The following HSP90AA1 variants were observed in gnomAD, a reference collection of about 807,000 sequenced individuals.
HSP90AA1 encodes heat shock protein 90 alpha family class A member 1, also known as heat shock protein HSP 90-alpha.
Under a neutral mutation model 73.3 loss-of-function variants are expected in HSP90AA1, and 18 were observed. The observed-to-expected ratio is 0.25, with a 90% CI of 0.17 to 0.36. HSP90AA1 has a LOEUF of 0.36. Among genes scored for constraint, HSP90AA1 ranks in the 10% least tolerant of loss-of-function variants. HSP90AA1 has a pLI of 1.00. For missense variants in HSP90AA1, 704 were observed against 874.2 expected (o/e 0.81, Z 2.45); for synonymous variants, 477 against 296.9 (o/e 1.61, Z -6.24).
intron 2 of HSP90AA1, among the ~76,000 whole-genome samples, chr14:102,097,816 T>C (rs1260716344): frequency 6.6e-6 from 1 of 152,198 alleles, no homozygotes. Flanking sequence ...CAGGCCACCT[T>C]GTCACGAATG....
chr14:102,087,103 T>C, upstream of HSP90AA1: 1 of 982,850 alleles, frequency 1.0e-6, no homozygotes, highest in Non-Finnish European at 1.2e-6. Flanking sequence ...GCGCGGCGCT[T>C]TTTCCAGAAG....
chr14:102,137,070 T>C (rs1159476784), intron 1 of HSP90AA1, among the ~76,000 whole-genome samples: 3 of 151,262 alleles, frequency 2.0e-5, no homozygotes, highest in Admixed American at 1.3e-4. Context: ...AAAAATTAGC[T>C]GGGTGTGGTG....
At chr14:102,125,236 C>T (rs777571151) in intron 1 of HSP90AA1, among the ~76,000 whole-genome samples, 2 of 152,094 alleles carry the variant, frequency 1.3e-5, no homozygotes, top group Non-Finnish European at 2.9e-5. Context: ...TGAAGTGATC[C>T]GACTGCCTCA....
chr14:102,137,076 T>G lies in HSP90AA1; in HGVS notation c.155+2174A>C, dbSNP rs576552793. ...TAAAAATACAAAAATTAGCTGGGTG[T>G]GGTGGCATGCGCCTGTAATCCCAGC... On this transcript the variant is annotated intron_variant, in intron 1 of 11. Transcript: ENST00000334701. Among the ~76,000 whole-genome samples the G allele has an allele frequency of 9.3e-3, 1,410 of 151,476 alleles. 23 individuals carry two copies. Among genetic ancestry groups the G allele is most frequent in the Non-Finnish European group, 0.01 (711 of 67,874 alleles).
At chr14:102,123,427 C>G (rs928028485) in intron 1 of HSP90AA1, among the ~76,000 whole-genome samples, 1 of 151,952 alleles carries the variant, frequency 6.6e-6, no homozygotes, top group African/African-American at 2.4e-5. Flanking sequence ...AACAAAAAAC[C>G]CTGTCATTTC....
upstream of HSP90AA1, among the ~76,000 whole-genome samples, chr14:102,089,975 C>G (rs1260866438): frequency 4.6e-5 from 7 of 151,654 alleles, no homozygotes; most frequent in African/African-American, 1.7e-4. Flanking sequence ...GAACACAGAC[C>G]TGGCCCTATC....
At chr14:102,124,305 C>A (rs1305736093) in intron 1 of HSP90AA1, among the ~76,000 whole-genome samples, 1 of 149,758 alleles carries the variant, frequency 6.7e-6, no homozygotes, top group Non-Finnish European at 1.5e-5. Flanking sequence ...GATTCTCCTG[C>A]CTCAGCCTCC....
chr14:102,081,889 G>C (rs537931424), intron 10 of HSP90AA1, 68 bp from the exon 11 acceptor site: 13 of 833,108 alleles, frequency 1.6e-5, no homozygotes, highest in South Asian at 1.3e-4. Flanking sequence ...TAATACTCTT[G>C]GTTTCTATCT....
chr14:102,088,563 G>A (rs186902442), upstream of HSP90AA1, among the ~76,000 whole-genome samples: 186 of 152,346 alleles, frequency 1.2e-3, 1 homozygote, highest in African/African-American at 4.2e-3. Context: ...GCAGCCACGT[G>A]GCGCGGGCCC....
chr14:102,132,699 C>G (rs1262373303), intron 1 of HSP90AA1, among the ~76,000 whole-genome samples: 1 of 152,230 alleles, frequency 6.6e-6, no homozygotes, highest in East Asian at 1.9e-4. Context: ...TGGCTCATGC[C>G]TGTAATCTCA....
At chr14:102,118,000 C>T (rs1429737545) in intron 1 of HSP90AA1, among the ~76,000 whole-genome samples, 2 of 152,184 alleles carry the variant, frequency 1.3e-5, no homozygotes, top group African/African-American at 4.8e-5. Flanking sequence ...TGTGCTGGCA[C>T]CTGGAGCTGC....
chr14:102,106,943 C>G (rs1296673235), intron 1 of HSP90AA1, among the ~76,000 whole-genome samples: 8 of 151,856 alleles, frequency 5.3e-5, no homozygotes, highest in African/African-American at 1.9e-4. Context: ...AAAATACTGT[C>G]AGGAGGACTG....
At chr14:102,094,408 G>A (rs113265188) in intron 2 of HSP90AA1, among the ~76,000 whole-genome samples, 42 of 152,328 alleles carry the variant, frequency 2.8e-4, no homozygotes, top group Admixed American at 5.9e-4. Context: ...CATTGTGGTC[G>A]AGGCAGGCAT....
intron 1 of HSP90AA1, among the ~76,000 whole-genome samples, chr14:102,120,498 C>T (rs2049763128): frequency 6.6e-6 from 1 of 151,998 alleles, no homozygotes; most frequent in African/African-American, 2.4e-5. Flanking sequence ...ACTTTTGACA[C>T]ACATAAGAAA....
intron 1 of HSP90AA1, among the ~76,000 whole-genome samples, chr14:102,137,258 T>C (rs1331484799): frequency 6.6e-6 from 1 of 151,946 alleles, no homozygotes; most frequent in East Asian, 1.9e-4. Flanking sequence ...AAATTTTTTT[T>C]TAAATTCCCG....
intron 1 of HSP90AA1, among the ~76,000 whole-genome samples, chr14:102,109,794 T>C (rs757486179): frequency 2.0e-5 from 3 of 152,186 alleles, no homozygotes; most frequent in Non-Finnish European, 4.4e-5. Flanking sequence ...CAGGAAAATG[T>C]AGGAAAGTTT....
At chr14:102,124,860 T>G (rs1463629525) in intron 1 of HSP90AA1, among the ~76,000 whole-genome samples, 2 of 152,258 alleles carry the variant, frequency 1.3e-5, no homozygotes, top group African/African-American at 4.8e-5. Context: ...CTTTTGACCT[T>G]AAGTCCAGTG....
chr14:102,100,967 T>C (rs747644231), intron 2 of HSP90AA1, among the ~76,000 whole-genome samples: 1 of 152,128 alleles, frequency 6.6e-6, no homozygotes, highest in African/African-American at 2.4e-5. Context: ...TACCCACAAA[T>C]CACAAAGCTT....
chr14:102,124,256 A>T (rs568890010), intron 1 of HSP90AA1, among the ~76,000 whole-genome samples: 1 of 141,604 alleles, frequency 7.1e-6, no homozygotes, highest in South Asian at 2.2e-4. Context: ...CAATGGCACG[A>T]TCTGGGCTCA....
Sources: gnomAD v4.1 joint callset for allele counts (sites outside exome capture counted in the v4.1 genomes callset) on GRCh38, gnomAD v4.1.1 for gene constraint, MANE v1.5 for transcripts, NCBI Gene and HGNC (gene_info 2026-07-23, HGNC 2026-07-21) for gene names.